The following KIFC3 variants were observed in gnomAD, a reference collection of about 807,000 sequenced individuals.
KIFC3 encodes the protein kinesin family member C3, also known as kinesin-like protein KIFC3.
Under a neutral mutation model 101.8 loss-of-function variants are expected in KIFC3, and 60 were observed. The observed-to-expected ratio is 0.59, with a 90% confidence interval of 0.48 to 0.73. The LOEUF is 0.73. Ranked by LOEUF, KIFC3 falls within the 30% of genes least tolerant of loss-of-function variation. The probability of loss-of-function intolerance (pLI) is 0.00; values close to 1 mark genes in which losing one functional copy is unlikely to be tolerated. For missense variants in KIFC3, 966 were observed against 1,137.1 expected (o/e 0.85, Z 2.16); for synonymous variants, 476 against 482.7 (o/e 0.99, Z 0.18).
chr16:57,861,145 A>G (rs1174096949), intron 1 of KIFC3, among the ~76,000 whole-genome samples: 1 of 152,220 alleles, frequency 6.6e-6, no homozygotes, highest in African/African-American at 2.4e-5. Context: ...ACTGATTTCC[A>G]CAAGAATTTA....
At chr16:57,827,271 C>T (rs912131000) in intron 1 of KIFC3, among the ~76,000 whole-genome samples, 1 of 152,260 alleles carries the variant, frequency 6.6e-6, no homozygotes, top group African/African-American at 2.4e-5. Context: ...CCAGTAGCTT[C>T]CCTTGGGCCA....
At position 57,761,551 on chromosome 16, in the gene KIFC3, G is replaced by A. The variant is rs373586532; in HGVS notation, c.1749-15C>T. Reference sequence around the variant, plus strand: ...CTAGCAGGTCCCTGGAGGGGCAGGTGAGACAGTCACCCCCTCCTCCCATTT... The same window carrying A: ...CTAGCAGGTCCCTGGAGGGGCAGGTAAGACAGTCACCCCCTCCTCCCATTT... On this transcript the variant is annotated splice_polypyrimidine_tract_variant and intron_variant, in intron 13 of 19. Transcript: ENST00000445690. 10 of 1,610,186 alleles carry A rather than the reference G, an allele frequency of 6.2e-6. No homozygotes were observed. Among genetic ancestry groups the A allele is most frequent in the African/African-American group, 2.7e-5 (2 of 74,878 alleles).
intron 1 of KIFC3, among the ~76,000 whole-genome samples, chr16:57,860,512 T>C (rs2056282207): frequency 6.6e-6 from 1 of 152,130 alleles, no homozygotes; most frequent in Non-Finnish European, 1.5e-5. Context: ...AACTTACATA[T>C]GTTCATTCAT....
chr16:57,782,781 TG>T (rs111794111), intron 3 of KIFC3, among the ~76,000 whole-genome samples: 1 of 152,060 alleles, frequency 6.6e-6, no homozygotes, highest in African/African-American at 2.4e-5. Context: ...CCGTCTCTAC[TG>T]AAAAATACAA....
intron 11 of KIFC3, 28 bp from the exon 12 acceptor site, chr16:57,764,275 T>TGGGGGGGGGGTGGGGGGGGGGG: frequency 3.7e-6 from 2 of 539,926 alleles, no homozygotes; most frequent in Non-Finnish European, 3.5e-6. Flanking sequence ...GGGAGGCTGG[T>TGGGGGGGGGGTGGGGGGGGGGG]GGGGGGGCTT....
Position 57,794,402 on chromosome 16 carries a change from TTTTTGTAGAGATAGGG to T in KIFC3, c.315+581_315+596del, listed in dbSNP as rs2054133669. 3.3e-5 allele frequency among the ~76,000 whole-genome samples: 5 copies of T among 151,918 alleles called. No homozygotes were observed. In the South Asian group the frequency reaches 1.0e-3, roughly 32 times the overall value. On this transcript the variant is annotated intron_variant, in intron 3 of 19. Coordinates refer to ENST00000445690, the MANE Select transcript of KIFC3 (RefSeq NM_001130100.2). ...ATGCCCAGCTAATTTTTTATTTTTC[TTTTTGTAGAGATAGGG>T]TCTCACTATATTGTCCAGGCTGGTC...
chr16:57,770,513 C>A lies in KIFC3; in HGVS notation c.939+14G>T, dbSNP rs1240391016. 3 of 1,388,378 alleles carry A rather than the reference C, an allele frequency of 2.2e-6. No individual in the cohort carries two copies. Among genetic ancestry groups the A allele is most frequent in the South Asian group, 3.3e-5 (2 of 61,388 alleles). The allele number at this position is 1,388,378 out of a possible 1,614,324, so 86.0% of individuals were successfully genotyped here. A position where few individuals can be genotyped will look rare whatever the true frequency, so the allele number is the denominator to read the frequency against. ...CTTCCTGGCTGGGCATGTGCCCCCA[C>A]ACAGCCTGGGTACCTGCGCCCGGAG... On this transcript the variant is annotated intron_variant, in intron 7 of 19. Transcript: ENST00000445690.
chr16:57,759,866 G>GGCCACGGCT, intron 17 of KIFC3, 30 bp from the exon 18 acceptor site: 1 of 1,534,562 alleles, frequency 6.5e-7, no homozygotes, highest in Non-Finnish European at 8.9e-7. Context: ...GATGGGCGGG[G>GGCCACGGCT]GCCACGGCTG....
At position 57,764,583 on chromosome 16, in the gene KIFC3, A is replaced by G. The variant is rs538548666; in HGVS notation, c.1513-336T>C. Among the ~76,000 whole-genome samples, 14 of 152,390 alleles carry G rather than the reference A, an allele frequency of 9.2e-5. No individual in the cohort carries two copies. The South Asian group carries it at 1.2e-3, about 14-fold the overall frequency. ...TCTGGCCTGGGCCTGCCTGCCAGCC[A>G]TCAGAGGATGGGGGCAAAGATAGAA... is the stretch of plus-strand genomic sequence containing the variant. On this transcript the variant is annotated intron_variant, in intron 11 of 19. Transcript: ENST00000445690.
chr16:57,802,566 G>T (rs2054811385), upstream of KIFC3: 1 of 991,966 alleles, frequency 1.0e-6, no homozygotes, highest in Non-Finnish European at 1.2e-6. The surrounding 1 kb of genome is among the most constrained non-coding windows in gnomAD (Gnocchi z 5.0). Context: ...CGACCCCGGC[G>T]GGGGGCGGCG....
intron 1 of KIFC3, among the ~76,000 whole-genome samples, chr16:57,838,068 G>T (rs1740019462): frequency 6.6e-6 from 1 of 152,166 alleles, no homozygotes; most frequent in Non-Finnish European, 1.5e-5. Flanking sequence ...GCATAGCACA[G>T]CTTAAATCCA....
At chr16:57,762,051 G>C in intron 13 of KIFC3, 89 bp downstream of exon 13, 1 of 1,452,282 alleles carries the variant, frequency 6.9e-7, no homozygotes, top group Non-Finnish European at 9.2e-7. Flanking sequence ...ACATACTGGG[G>C]GTCCCACCTG....
intron 1 of KIFC3, among the ~76,000 whole-genome samples, chr16:57,861,840 T>C (rs1596923068): frequency 6.6e-6 from 1 of 152,074 alleles, no homozygotes; most frequent in Admixed American, 6.6e-5. Flanking sequence ...TCCCAGCTAC[T>C]TGGGAGGCTG....
chr16:57,840,763 A>G (rs2149311240), intron 1 of KIFC3, among the ~76,000 whole-genome samples: 1 of 147,952 alleles, frequency 6.8e-6, no homozygotes, highest in South Asian at 2.1e-4. Flanking sequence ...TCTGTCTCAA[A>G]AAAAAAAAAA....
intron 2 of KIFC3, chr16:57,797,576 C>A (rs995691310): frequency 2.1e-6 from 1 of 479,286 alleles, no homozygotes; most frequent in Admixed American, 5.3e-5. Context: ...GAAATGAGCA[C>A]ATGGACCCCA....
intron 3 of KIFC3, among the ~76,000 whole-genome samples, chr16:57,781,331 G>A (rs1200651624): frequency 5.9e-5 from 9 of 152,180 alleles, no homozygotes; most frequent in Admixed American, 5.9e-4. Flanking sequence ...AAAAAGGAGT[G>A]TAGTGAGGTC....
At chr16:57,777,258 G>GGT (rs1405208876) in intron 3 of KIFC3, among the ~76,000 whole-genome samples, 13 of 152,164 alleles carry the variant, frequency 8.5e-5, no homozygotes, top group African/African-American at 3.1e-4. Context: ...ATATTGATAA[G>GGT]GTGTCAGTAC....
At chr16:57,795,285 C>T in intron 2 of KIFC3, 144 bp from the exon 3 acceptor site, 1 of 962,722 alleles carries the variant, frequency 1.0e-6, no homozygotes, top group South Asian at 1.8e-5. Flanking sequence ...GGCTCACACA[C>T]CCAAAAAACG....
rs1568047538 is a variant in KIFC3 at position 57,795,877 on chromosome 16, C to CTT, written c.173-738_173-737dup. The stretch of plus-strand genomic sequence containing the variant: ...CTTACACACATTCTGTTTTTTTGGG[C>CTT]TTTTTTGTTTTTTTTTTTTTTTTTT... On this transcript the variant is annotated intron_variant, in intron 2 of 19. Transcript: ENST00000445690. Among the ~76,000 whole-genome samples the CTT allele has an allele frequency of 5.7e-3, 459 of 80,978 alleles. 12 individuals carry two copies. The highest frequency in any genetic ancestry group is 0.013 in the African/African-American group (364 of 28,108). 53.1% of individuals were successfully genotyped at this position (80,978 alleles called of 152,430 possible). A position where few individuals can be genotyped will look rare whatever the true frequency, so the allele number is the denominator to read the frequency against.
Sources: allele counts gnomAD v4.1 joint callset (sites outside exome capture counted in the v4.1 genomes callset), GRCh38; gene constraint gnomAD v4.1.1; non-coding constraint Gnocchi (gnomAD v3.1); transcripts MANE v1.5; gene names NCBI Gene and HGNC (gene_info 2026-07-23, HGNC 2026-07-21).